MTRR: variants seen among roughly 807,000 people sequenced by gnomAD.
MTRR encodes the protein methionine synthase reductase.
In MTRR, 63 loss-of-function variants were observed where a neutral mutation model predicts 79.2. That is an observed-to-expected ratio of 0.80 (90% CI 0.65 to 0.98). The LOEUF (loss-of-function observed/expected upper bound fraction) is 0.98, where lower values mean the gene tolerates loss of function less well. Ranked by LOEUF, MTRR falls within the 50% of genes least tolerant of loss-of-function variation. The pLI, the probability that MTRR is intolerant of heterozygous loss-of-function variation, is 0.00. For synonymous variants in MTRR, 355 were observed against 313.3 expected, an observed-to-expected ratio of 1.13 and a Z score of -1.41; for missense variants, 895 against 839.6, an observed-to-expected ratio of 1.07 and a Z score of -0.82.
intron 1 of MTRR, among the ~76,000 whole-genome samples, chr5:7,851,931 C>A (rs935031134): frequency 1.3e-5 from 2 of 152,180 alleles, no homozygotes; most frequent in Admixed American, 1.3e-4. Flanking sequence ...CTTTAGCCAG[C>A]GTGCCTGGGA....
chr5:7,899,679 T>C (rs1379151395), intron 14 of MTRR, among the ~76,000 whole-genome samples: 1 of 152,112 alleles, frequency 6.6e-6, no homozygotes, highest in Non-Finnish European at 1.5e-5. Flanking sequence ...ACCTGGAGCC[T>C]GTGGAGGATT....
At chr5:7,866,588 A>ACCACTG, upstream of MTRR, 1 of 1,309,064 alleles carries the variant, frequency 7.6e-7, no homozygotes, top group Non-Finnish European at 1.1e-6. Flanking sequence ...GTGACTTGAA[A>ACCACTG]CCACTGCCAG....
intron 1 of MTRR, chr5:7,869,580 G>T (rs1323614342): frequency 3.7e-5 from 10 of 272,300 alleles, no homozygotes. Context: ...GGCGCGCTCC[G>T]GGGAACCCGG....
chr5:7,869,455 C>G (rs1747478277), intron 1 of MTRR: 1 of 547,520 alleles, frequency 1.8e-6, no homozygotes, highest in Non-Finnish European at 3.3e-6. Context: ...CGCGGGAGGC[C>G]CCTGGGCGGC....
At position 7,891,397 on chromosome 5, in the gene MTRR, A is replaced by G; in HGVS notation, c.1353A>G (p.Arg451=). The part of the protein sequence containing the change: ...LLEHLPKLQP[R]PYSCASSSLF... ...AACATCTTCCTAAACTTCAACCCAG[A>G]CCATATTCGTGTGCAAGGTACTACT... Residue 451 remains arginine, a synonymous_variant, in exon 10 of 15, where the codon AGA becomes AGG. Transcript: ENST00000440940. The G allele has an allele frequency of 6.2e-7, 1 of 1,610,060 alleles. No individual in the cohort carries two copies. The highest frequency in any genetic ancestry group is 1.1e-5 in the South Asian group (1 of 90,920).
intron 8 of MTRR, among the ~76,000 whole-genome samples, 168 bp from the exon 9 acceptor site, chr5:7,888,927 A>T (rs796673407): frequency 1.3e-5 from 2 of 152,212 alleles, no homozygotes; most frequent in Non-Finnish European, 2.9e-5. Context: ...ACAGGTCAAC[A>T]TTAAAGCAAA....
Position 7,900,285 on chromosome 5 carries a change from C to T in MTRR, c.*227C>T. On this transcript the variant is annotated 3_prime_UTR_variant, in exon 15 of 15. Coordinates refer to ENST00000440940, the MANE Select transcript of MTRR (RefSeq NM_002454.3). The stretch of plus-strand genomic sequence containing the variant: ...TGTGCCTGTGACTCTCCCCAAATTG[C>T]CCTGTTGCCTTGAGCTCTTCTGAGC... 1.9e-6 allele frequency: 1 copy of T among 532,006 alleles called. No individual in the cohort carries two copies. The allele number at this position is 532,006 out of a possible 1,614,324, so 33.0% of individuals were successfully genotyped here.
At chr5:7,871,251 A>G (rs1747944220) in intron 2 of MTRR, among the ~76,000 whole-genome samples, 2 of 152,112 alleles carry the variant, frequency 1.3e-5, no homozygotes, top group Non-Finnish European at 2.9e-5. Context: ...TGTGCTTTCC[A>G]CCTCTTGAAT....
rs767503539 is a variant in MTRR, at chr5:7,870,824, A to T, written c.30A>T (p.Thr10=). The change falls in exon 2 of 15, where the codon ACA becomes ACT. Residue 10 remains threonine (T), a synonymous_variant. Transcript: ENST00000440940. ...GGAGGTTTCTGTTACTATATGCTACACAGCAGGGACAGGCAAAGGCCATCG... is the reference window on the plus strand; with the variant it reads ...GGAGGTTTCTGTTACTATATGCTACTCAGCAGGGACAGGCAAAGGCCATCG... The part of the protein sequence containing the change: MRRFLLLYA[T]QQGQAKAIAE... 1.2e-6 allele frequency: 2 copies of T among 1,614,258 alleles called. No homozygotes were observed. The highest frequency in any genetic ancestry group is 2.7e-5 in the African/African-American group (2 of 75,070).
intron 9 of MTRR, among the ~76,000 whole-genome samples, chr5:7,889,523 T>C (rs951323792): frequency 6.6e-6 from 1 of 152,204 alleles, no homozygotes; most frequent in Non-Finnish European, 1.5e-5. Context: ...TTTTCTTTTT[T>C]TTCCTTCCAG....
At chr5:7,890,445 C>T (rs1463726387) in intron 9 of MTRR, 1 of 978,354 alleles carries the variant, frequency 1.0e-6, no homozygotes, top group East Asian at 1.1e-4. Context: ...AGAAAGTTCT[C>T]TTATCGCATA....
intron 6 of MTRR, among the ~76,000 whole-genome samples, 169 bp from the exon 7 acceptor site, chr5:7,885,528 GGTTA>G (rs1736265044): frequency 6.6e-6 from 1 of 150,952 alleles, no homozygotes; most frequent in Non-Finnish European, 1.5e-5. Flanking sequence ...ATGTTTATTT[GGTTA>G]GTTGGGCTTA....
At chr5:7,894,051 T>C (rs1383509350) in intron 11 of MTRR, among the ~76,000 whole-genome samples, 2 of 152,214 alleles carry the variant, frequency 1.3e-5, no homozygotes, top group Non-Finnish European at 2.9e-5. Context: ...TGTGTGTCCA[T>C]CATGTATCGT....
intron 9 of MTRR, chr5:7,890,447 T>C (rs1176832777): frequency 3.1e-6 from 3 of 976,750 alleles, no homozygotes; most frequent in African/African-American, 3.5e-5. Context: ...AAAGTTCTCT[T>C]ATCGCATACT....
intron 6 of MTRR, chr5:7,885,397 ATAGGACCTTACT>A (rs1412918810): frequency 2.8e-6 from 1 of 356,616 alleles, no homozygotes; most frequent in Non-Finnish European, 5.2e-6. Context: ...TGAAAACACC[ATAGGACCTTACT>A]TTGTAGAGAA....
intron 5 of MTRR, among the ~76,000 whole-genome samples, chr5:7,881,077 A>G (rs1282393066): frequency 6.6e-6 from 1 of 152,062 alleles, no homozygotes; most frequent in Non-Finnish European, 1.5e-5. Flanking sequence ...GATCGTTTTT[A>G]TTGGAGCAGC....
In MTRR at chr5:7,879,394, C is replaced by T. The variant is rs143705899; in HGVS notation, c.780+1072C>T. 1.9e-3 allele frequency among the ~76,000 whole-genome samples: 245 copies of T among 130,958 alleles called. 8 individuals carry two copies. In the East Asian group the frequency reaches 0.059, roughly 31 times the overall value. The allele number at this position is 130,958 out of a possible 152,430, so 85.9% of individuals were successfully genotyped here. A position where few individuals can be genotyped will look rare whatever the true frequency, so the allele number is the denominator to read the frequency against. On this transcript the variant is annotated intron_variant, in intron 5 of 14. Coordinates refer to ENST00000440940, the MANE Select transcript of MTRR (RefSeq NM_002454.3). The stretch of plus-strand genomic sequence containing the variant: ...GAGTTTATGGGTTTTTTCCGGGAGG[C>T]GGAGGTTGCAGTGAGCCAAGATTGC...
At chr5:7,894,077 G>A (rs140137894) in intron 11 of MTRR, among the ~76,000 whole-genome samples, 363 of 152,190 alleles carry the variant, frequency 2.4e-3, no homozygotes, top group Non-Finnish European at 4.2e-3. Flanking sequence ...CTAAACATGG[G>A]TGCCTTTCAC....
chr5:7,888,021 A>G (rs1484476746), intron 8 of MTRR, among the ~76,000 whole-genome samples: 2 of 151,856 alleles, frequency 1.3e-5, no homozygotes, highest in Non-Finnish European at 2.9e-5. Flanking sequence ...AAGAATCTGT[A>G]TATTTCAGGA....
Sources: allele counts gnomAD v4.1 joint callset (sites outside exome capture counted in the v4.1 genomes callset), GRCh38; gene constraint gnomAD v4.1.1; transcripts MANE v1.5; gene names NCBI Gene and HGNC (gene_info 2026-07-23, HGNC 2026-07-21).